Variants in CCDC7 observed in about 807,000 individuals in gnomAD.
The protein encoded by CCDC7 is coiled-coil domain-containing protein 7.
Under a neutral mutation model 196.9 loss-of-function variants are expected in CCDC7, and 183 were observed. The ratio of observed to expected loss-of-function variants is 0.93; its 90% CI spans 0.82 to 1.05. CCDC7 has a LOEUF of 1.05. CCDC7 is among the 50% of genes least tolerant of loss of function. The pLI is 0.00. For synonymous variants in CCDC7, 525 were observed against 484.6 expected (o/e 1.08, Z -1.10); for missense variants, 1,540 against 1,482.2 (o/e 1.04, Z -0.64).
chr10:32,649,880 T>TA (rs1173666252), intron 20 of CCDC7, among the ~76,000 whole-genome samples: 3 of 152,206 alleles, frequency 2.0e-5, no homozygotes, highest in Non-Finnish European at 4.4e-5. Context: ...TGGTTCTTCT[T>TA]AAAAAGGGAA....
chr10:32,489,367 T>TGGA (rs2041801779), intron 8 of CCDC7, among the ~76,000 whole-genome samples: 1 of 152,144 alleles, frequency 6.6e-6, no homozygotes, highest in South Asian at 2.1e-4. Flanking sequence ...TGGTCACACC[T>TGGA]GGAGAGCAAC....
intron 20 of CCDC7, among the ~76,000 whole-genome samples, chr10:32,658,475 T>G (rs925898224): frequency 8.5e-5 from 13 of 152,162 alleles, no homozygotes; most frequent in African/African-American, 3.1e-4. Flanking sequence ...ACTCATTTAC[T>G]ATCATGAGAA....
At chr10:32,875,417 C>A (rs750616985) in intron 41 of CCDC7, among the ~76,000 whole-genome samples, 5 of 151,930 alleles carry the variant, frequency 3.3e-5, no homozygotes, top group Admixed American at 1.3e-4. Context: ...TTGTTTTTGT[C>A]AGGTTTGTCA....
chr10:32,684,968 TTTTG>T (rs200988481), intron 21 of CCDC7, among the ~76,000 whole-genome samples: 8,039 of 147,174 alleles, frequency 0.055, 709 homozygotes, highest in African/African-American at 0.19. Flanking sequence ...TTTTTTTTTT[TTTTG>T]AAATATACGA....
intron 7 of CCDC7, among the ~76,000 whole-genome samples, chr10:32,473,212 G>A (rs917507249): frequency 1.4e-4 from 22 of 152,156 alleles, no homozygotes; most frequent in African/African-American, 4.8e-4. Flanking sequence ...TGGGTCCACA[G>A]AAAGGAGCAA....
At chr10:32,791,751 T>C (rs1486980004) in intron 29 of CCDC7, among the ~76,000 whole-genome samples, 1 of 152,038 alleles carries the variant, frequency 6.6e-6, no homozygotes, top group Non-Finnish European at 1.5e-5. Context: ...TAGCAAACAT[T>C]GACATTACAG....
At chr10:32,556,189 C>G (rs2136445782) in intron 13 of CCDC7, among the ~76,000 whole-genome samples, 1 of 152,154 alleles carries the variant, frequency 6.6e-6, no homozygotes. Context: ...TTTCTCTCTC[C>G]CTGTGTATAA....
At chr10:32,845,154 A>AT (rs1329236690) in intron 33 of CCDC7, 89 bp from the exon 35 acceptor site, 11 of 695,914 alleles carry the variant, frequency 1.6e-5, no homozygotes, top group Admixed American at 1.5e-4. Context: ...TTCTAAATGA[A>AT]TATCCTCCTA....
intron 22 of CCDC7, 107 bp from the exon 44 acceptor site, chr10:32,882,586 A>C (rs918824420): frequency 2.0e-5 from 3 of 152,214 alleles, no homozygotes; most frequent in African/African-American, 7.2e-5. Context: ...ATACGCCTCA[A>C]CATCAACACA....
chr10:32,741,858 T>A (rs2085912530), intron 28 of CCDC7, among the ~76,000 whole-genome samples: 1 of 152,202 alleles, frequency 6.6e-6, no homozygotes, highest in Non-Finnish European at 1.5e-5. Context: ...GTTCTCCTAT[T>A]TCAACATACA....
At chr10:32,775,538 G>A (rs1464904670) in intron 28 of CCDC7, among the ~76,000 whole-genome samples, 2 of 152,112 alleles carry the variant, frequency 1.3e-5, no homozygotes, top group Non-Finnish European at 2.9e-5. Flanking sequence ...TCTCCAAAGT[G>A]ATTTGGTGAG....
rs1466293597 is a variant in CCDC7 at position 32,560,043 on chromosome 10, G to A, written c.1135-5515G>A. Among the ~76,000 whole-genome samples, 7 of 152,284 alleles carry A rather than the reference G, an allele frequency of 4.6e-5. No homozygotes were observed. In the East Asian group the frequency reaches 9.6e-4, roughly 21 times the overall value. ...GAAGAATGCAGAAGCCTCAGGAGCC[G>A]ATGTGATCAACTGGAAGAAAGGGTA... On this transcript the variant is annotated intron_variant, in intron 13 of 41. Coordinates refer to ENST00000639629, the Ensembl canonical transcript of CCDC7.
intron 21 of CCDC7, among the ~76,000 whole-genome samples, chr10:32,674,586 G>A (rs369141381): frequency 4.6e-5 from 7 of 151,968 alleles, no homozygotes; most frequent in Middle Eastern, 3.2e-3. Context: ...TTCTTTAAAT[G>A]GCTGTTAGGT....
At chr10:32,525,401 A>C (rs2048512997) in intron 11 of CCDC7, among the ~76,000 whole-genome samples, 1 of 152,176 alleles carries the variant, frequency 6.6e-6, no homozygotes, top group Non-Finnish European at 1.5e-5. Flanking sequence ...TGATTCTTTT[A>C]AAATATTTTA....
intron 28 of CCDC7, among the ~76,000 whole-genome samples, chr10:32,767,053 C>T (rs1230877283): frequency 6.6e-6 from 1 of 152,048 alleles, no homozygotes; most frequent in African/African-American, 2.4e-5. Context: ...TTTCAACAAC[C>T]AGATCTTGCA....
chr10:32,672,337 C>G (rs1305962381), intron 21 of CCDC7, among the ~76,000 whole-genome samples: 1 of 152,174 alleles, frequency 6.6e-6, no homozygotes, highest in African/African-American at 2.4e-5. Flanking sequence ...CATGGGCACA[C>G]ACAGTGAACG....
chr10:32,747,620 C>T (rs2075005544), intron 28 of CCDC7, among the ~76,000 whole-genome samples: 1 of 152,168 alleles, frequency 6.6e-6, no homozygotes, highest in South Asian at 2.1e-4. Flanking sequence ...TGCTTAACAT[C>T]TCTAATCATT....
chr10:32,697,320 G>A (rs2077876345), intron 24 of CCDC7, among the ~76,000 whole-genome samples: 1 of 152,138 alleles, frequency 6.6e-6, no homozygotes, highest in African/African-American at 2.4e-5. Flanking sequence ...CATCTCACTG[G>A]GACTGGTTGG....
chr10:32,637,857 C>T (rs1452379829), intron 20 of CCDC7, among the ~76,000 whole-genome samples: 2 of 152,184 alleles, frequency 1.3e-5, no homozygotes, highest in African/African-American at 4.8e-5. Context: ...TCTTCCTTCC[C>T]ATGAGCATGG....
Sources: gnomAD v4.1 joint callset for allele counts (sites outside exome capture counted in the v4.1 genomes callset) on GRCh38, gnomAD v4.1.1 for gene constraint, MANE v1.5 for transcripts, NCBI Gene and HGNC (gene_info 2026-07-23, HGNC 2026-07-21) for gene names.